Variants in MBNL1 observed in about 807,000 individuals in gnomAD.
MBNL1 encodes the protein muscleblind-like protein 1.
A neutral mutation model predicts 42.2 loss-of-function variants in MBNL1; 8 were observed. The ratio of observed to expected loss-of-function variants is 0.19; its 90% CI spans 0.11 to 0.34. The LOEUF (loss-of-function observed/expected upper bound fraction) is 0.34, where lower values mean the gene tolerates loss of function less well. Ranked by LOEUF, MBNL1 falls within the 10% of genes least tolerant of loss-of-function variation. MBNL1 has a pLI of 1.00. For missense variants in MBNL1, 309 were observed against 495.3 expected (o/e 0.62, Z 3.57); for synonymous variants, 169 against 173.9 (o/e 0.97, Z 0.22).
chr3:152,245,844 C>T (rs563412839), intron 2 of MBNL1, among the ~76,000 whole-genome samples: 35 of 152,058 alleles, frequency 2.3e-4, no homozygotes, highest in Non-Finnish European at 4.0e-4. Flanking sequence ...ATACTTAACT[C>T]GATGAAAATT....
At chr3:152,407,781 A>G (rs566859086) in intron 2 of MBNL1, among the ~76,000 whole-genome samples, 244 of 152,328 alleles carry the variant, frequency 1.6e-3, no homozygotes, top group African/African-American at 5.6e-3. Flanking sequence ...TCCCTACACC[A>G]TGGAATACTA....
At chr3:152,331,168 A>T (rs2084207367) in intron 2 of MBNL1, among the ~76,000 whole-genome samples, 2 of 151,516 alleles carry the variant, frequency 1.3e-5, no homozygotes, top group African/African-American at 4.8e-5. Flanking sequence ...TCATACTCAC[A>T]CAGACACTCC....
chr3:152,346,881 TAA>T (rs35680881), intron 2 of MBNL1, among the ~76,000 whole-genome samples: 22,267 of 141,776 alleles, frequency 0.16, 1,790 homozygotes, highest in East Asian at 0.25. Context: ...TCACTTTAAT[TAA>T]AAAAAAAAAA....
chr3:152,308,820 T>G (rs1013859685), intron 2 of MBNL1, among the ~76,000 whole-genome samples: 14 of 144,048 alleles, frequency 9.7e-5, no homozygotes. Flanking sequence ...TTTTGTTTTG[T>G]TTTTTTTTTT....
intron 2 of MBNL1, among the ~76,000 whole-genome samples, chr3:152,255,102 A>G (rs2035262406): frequency 1.3e-5 from 2 of 152,164 alleles, no homozygotes; most frequent in Non-Finnish European, 2.9e-5. Flanking sequence ...AATTTGGTGG[A>G]GTAAATATTA....
intron 2 of MBNL1, among the ~76,000 whole-genome samples, chr3:152,363,554 A>G (rs2096145887): frequency 6.6e-6 from 1 of 152,190 alleles, no homozygotes; most frequent in Admixed American, 6.6e-5. Flanking sequence ...GTCTTTGTCC[A>G]GTGTTAAACT....
intron 1 of MBNL1, among the ~76,000 whole-genome samples, chr3:152,271,767 G>T (rs1032791928): frequency 2.0e-5 from 3 of 152,140 alleles, no homozygotes; most frequent in Admixed American, 6.5e-5. Flanking sequence ...AGATTTTAAA[G>T]TGTATGGTTT....
At chr3:152,461,231 G>C (rs1039049106) in intron 9 of MBNL1, among the ~76,000 whole-genome samples, 1 of 152,220 alleles carries the variant, frequency 6.6e-6, no homozygotes, top group African/African-American at 2.4e-5. Flanking sequence ...AAAGAAATGA[G>C]AGGCTCAACT....
chr3:152,390,645 A>ACT (rs1553896074), intron 2 of MBNL1, among the ~76,000 whole-genome samples: 10 of 150,190 alleles, frequency 6.7e-5, no homozygotes, highest in African/African-American at 2.2e-4. Context: ...ACACACACAC[A>ACT]CTCTGATATA....
intron 2 of MBNL1, among the ~76,000 whole-genome samples, chr3:152,412,543 TAAAA>T: frequency 6.6e-6 from 1 of 152,286 alleles, no homozygotes; most frequent in South Asian, 2.1e-4. Flanking sequence ...GTACCATAGA[TAAAA>T]AATGTAGGAG....
chr3:152,269,196 G>C (rs1488208025), intron 1 of MBNL1, 104 bp downstream of exon 1: 1 of 390,572 alleles, frequency 2.6e-6, no homozygotes, highest in Non-Finnish European at 5.2e-6. Flanking sequence ...CTCGCCGGCC[G>C]CGGTTCTCCC....
At chr3:152,310,577 T>C (rs17368784) in intron 2 of MBNL1, among the ~76,000 whole-genome samples, 10,840 of 152,342 alleles carry the variant, frequency 0.071, 508 homozygotes, top group Middle Eastern at 0.17. Context: ...TGTTAAATCA[T>C]TTCAGTTGCC....
chr3:152,296,433 T>TA, intron 1 of MBNL1, among the ~76,000 whole-genome samples: 1 of 152,098 alleles, frequency 6.6e-6, no homozygotes, highest in Non-Finnish European at 1.5e-5. Context: ...GGTTAAAGAC[T>TA]TGTGAGTAGG....
chr3:152,418,128 CA>C (rs1158267425), intron 3 of MBNL1, among the ~76,000 whole-genome samples: 10 of 152,158 alleles, frequency 6.6e-5, no homozygotes, highest in Non-Finnish European at 1.5e-4. Context: ...ACATTAGGGG[CA>C]TTTACTGCAC....
chr3:152,375,293 A>G (rs2096850058), intron 2 of MBNL1, among the ~76,000 whole-genome samples: 1 of 152,254 alleles, frequency 6.6e-6, no homozygotes, highest in African/African-American at 2.4e-5. Flanking sequence ...CTCACAATTA[A>G]GTGTGGAGAA....
intron 2 of MBNL1, among the ~76,000 whole-genome samples, chr3:152,405,986 T>C (rs1483570256): frequency 6.6e-6 from 1 of 152,086 alleles, no homozygotes; most frequent in African/African-American, 2.4e-5. Context: ...AATAGAAACA[T>C]AGTGATCTGC....
At chr3:152,323,826 G>A (rs561969761) in intron 2 of MBNL1, among the ~76,000 whole-genome samples, 16 of 152,244 alleles carry the variant, frequency 1.1e-4, no homozygotes, top group Non-Finnish European at 1.8e-4. Context: ...ATATATGTGG[G>A]TCCTTTGTTG....
chr3:152,287,214 CAAA>C (rs879707995), intron 1 of MBNL1, among the ~76,000 whole-genome samples: 1 of 84,282 alleles, frequency 1.2e-5, no homozygotes, highest in Non-Finnish European at 2.5e-5. Flanking sequence ...GACTCCGTCT[CAAA>C]AAAAAAAAAA....
chr3:152,453,336 G>C (rs1304456707), intron 6 of MBNL1, among the ~76,000 whole-genome samples: 1 of 151,932 alleles, frequency 6.6e-6, no homozygotes, highest in Non-Finnish European at 1.5e-5. Context: ...TATCATCCTA[G>C]TTTTTCCTAC....
Sources: gnomAD v4.1 joint callset for allele counts (sites outside exome capture counted in the v4.1 genomes callset) on GRCh38, gnomAD v4.1.1 for gene constraint, MANE v1.5 for transcripts, NCBI Gene and HGNC (gene_info 2026-07-23, HGNC 2026-07-21) for gene names.